The following GLB1L3 variants were observed in gnomAD, a reference collection of about 807,000 sequenced individuals.
The protein encoded by GLB1L3 is beta-galactosidase-1-like protein 3.
A neutral mutation model predicts 89.5 loss-of-function variants in GLB1L3; 89 were observed. The observed-to-expected ratio is 0.99, with a 90% CI of 0.84 to 1.19. The LOEUF is 1.19. Ranked by LOEUF, GLB1L3 falls within the 50% of genes most tolerant of loss-of-function variation. The probability of loss-of-function intolerance (pLI) is 0.00; values close to 1 mark genes in which losing one functional copy is unlikely to be tolerated. For missense variants in GLB1L3, 812 were observed against 813.3 expected (o/e 1.00, Z 0.02); for synonymous variants, 314 against 312.3 (o/e 1.01, Z -0.06).
chr11:134,277,514 T>C, intron 2 of GLB1L3, 63 bp downstream of exon 2: 16 of 1,591,612 alleles, frequency 1.0e-5, no homozygotes, highest in South Asian at 1.1e-5. Flanking sequence ...TTGGAGAAAA[T>C]AGTATCGCGA....
At chr11:134,321,908 T>TAAA (rs1011112057), downstream of GLB1L3, among the ~76,000 whole-genome samples, 2 of 132,190 alleles carry the variant, frequency 1.5e-5, no homozygotes, top group African/African-American at 5.0e-5. Flanking sequence ...CCCTAGAACT[T>TAAA]AAAGTATAAT....
At chr11:134,287,022 G>T (rs913657130) in intron 6 of GLB1L3, 1 of 151,454 alleles carries the variant, frequency 6.6e-6, no homozygotes, top group Non-Finnish European at 1.5e-5. Context: ...TGAGCCGGGC[G>T]TGGTGGCGGG....
intron 7 of GLB1L3, 40 bp from the exon 8 acceptor site, chr11:134,292,092 A>C: frequency 7.0e-7 from 1 of 1,432,820 alleles, no homozygotes; most frequent in Non-Finnish European, 9.8e-7. Flanking sequence ...TCCCATGGGA[A>C]TGAGGGAATT....
At chr11:134,277,175 C>T (rs550631873) in intron 1 of GLB1L3, 151 bp from the exon 2 acceptor site, 82 of 935,658 alleles carry the variant, frequency 8.8e-5, no homozygotes, top group South Asian at 5.7e-4. Flanking sequence ...CCGCGCTGTC[C>T]TGGCCCTGGG....
chr11:134,277,394 C>T lies in GLB1L3; in HGVS notation c.92C>T (p.Pro31Leu), dbSNP rs764964077. ...CCATTTATCTCATCAGGTTTTGCTC[C>T]TCGGTTTAAGCAGGAAGAGAACTTC... ...FLPFISSGFA[P>L]RFKQEENFML... Residue 31 changes from proline (P) to leucine (L), a missense_variant, in exon 2 of 20, where the codon CCT (proline) becomes CTT (leucine). Physicochemically the swap from Pro to Leu is moderately conservative, Grantham distance 98. Coordinates refer to ENST00000431683, the MANE Select transcript of GLB1L3 (RefSeq NM_001080407.3). 7 of 1,613,958 alleles carry T rather than the reference C, an allele frequency of 4.3e-6. No homozygotes were observed. The highest frequency in any genetic ancestry group is 2.2e-5 in the East Asian group (1 of 44,862).
In GLB1L3 at chr11:134,277,870, G is replaced by C; in HGVS notation, c.320G>C (p.Arg107Pro). The change falls in exon 3 of 20, where the codon CGC becomes CCC. Residue 107 changes from arginine to proline, a missense_variant. Coordinates refer to ENST00000431683, the MANE Select transcript of GLB1L3 (RefSeq NM_001080407.3). ...FRVPREYWRD[R>P]LLKLKACGFN... is the part of the protein sequence containing the mutation. Reference sequence around the variant, plus strand: ...GTGCCCAGGGAGTACTGGAGGGACCGCCTGCTGAAGCTGAAGGCCTGTGGC... The same window carrying C: ...GTGCCCAGGGAGTACTGGAGGGACCCCCTGCTGAAGCTGAAGGCCTGTGGC... 6.2e-7 allele frequency: 1 copy of C among 1,613,942 alleles called. No homozygotes were observed. The highest frequency in any genetic ancestry group is 1.7e-5 in the Admixed American group (1 of 59,974).
At chr11:134,297,588 C>T (rs1197822957) in intron 9 of GLB1L3, among the ~76,000 whole-genome samples, 1 of 151,892 alleles carries the variant, frequency 6.6e-6, no homozygotes, top group Non-Finnish European at 1.5e-5. Flanking sequence ...AGGCCGGGCG[C>T]GGTGGCTCAC....
chr11:134,290,610 GA>G lies in GLB1L3; in HGVS notation c.730-1513del, dbSNP rs71038573. Among the ~76,000 whole-genome samples, 106 of 140,512 alleles carry G rather than the reference GA, an allele frequency of 7.5e-4. 1 individual carries two copies. The East Asian group carries it at 0.015, about 19-fold the overall frequency. 92.2% of individuals were successfully genotyped at this position (140,512 alleles called of 152,430 possible). On this transcript the variant is annotated intron_variant, in intron 7 of 19. Transcript: ENST00000431683. ...AAAAGAAAAGAAAAAAAAAGAAAAA[GA>G]AAAAAAAACCATTCAACTCCACTCC... is the stretch of plus-strand genomic sequence containing the variant.
At chr11:134,287,797 C>T (rs1050558085) in intron 6 of GLB1L3, among the ~76,000 whole-genome samples, 5 of 152,196 alleles carry the variant, frequency 3.3e-5, no homozygotes, top group Non-Finnish European at 7.3e-5. Context: ...AGCCAGCACG[C>T]CTGGGCAGAG....
At chr11:134,287,882 G>T (rs1941110610) in intron 6 of GLB1L3, among the ~76,000 whole-genome samples, 1 of 152,180 alleles carries the variant, frequency 6.6e-6, no homozygotes. Flanking sequence ...CTTCCTTAGT[G>T]CCCTCAGAGC....
At chr11:134,323,530 G>A (rs1943191174), downstream of GLB1L3, among the ~76,000 whole-genome samples, 1 of 151,700 alleles carries the variant, frequency 6.6e-6, no homozygotes, top group Non-Finnish European at 1.5e-5. Context: ...AGCCGAGATG[G>A]CACCACTGCA....
chr11:134,314,100 A>G, intron 17 of GLB1L3, 72 bp downstream of exon 17: 3 of 1,048,278 alleles, frequency 2.9e-6, no homozygotes, highest in South Asian at 1.3e-5. Flanking sequence ...TCCTCATTGC[A>G]GATAAAGAGT....
intron 7 of GLB1L3, among the ~76,000 whole-genome samples, chr11:134,291,690 T>C (rs1012402739): frequency 1.2e-4 from 18 of 152,198 alleles, no homozygotes; most frequent in African/African-American, 4.1e-4. Context: ...GAAATATATT[T>C]TTGGCCAGGC....
At chr11:134,314,212 GTCTAC>G (rs1942881858) in intron 17 of GLB1L3, 113 bp from the exon 18 acceptor site, 5 of 753,116 alleles carry the variant, frequency 6.6e-6, no homozygotes, top group Admixed American at 4.8e-5. Flanking sequence ...AACGCATCTA[GTCTAC>G]TCTATCTCAT....
intron 9 of GLB1L3, among the ~76,000 whole-genome samples, chr11:134,302,162 C>T (rs781228429): frequency 6.6e-5 from 10 of 152,138 alleles, no homozygotes; most frequent in Non-Finnish European, 1.3e-4. Flanking sequence ...CCAGACTCAC[C>T]TGATACATTT....
intron 1 of GLB1L3, among the ~76,000 whole-genome samples, 153 bp downstream of exon 1, chr11:134,276,916 G>A (rs1274497680): frequency 6.6e-6 from 1 of 152,158 alleles, no homozygotes; most frequent in Non-Finnish European, 1.5e-5. Flanking sequence ...GCTTTCCTCG[G>A]CAGATCCCCT....
chr11:134,301,696 T>C (rs914110677), intron 9 of GLB1L3, among the ~76,000 whole-genome samples: 1 of 152,170 alleles, frequency 6.6e-6, no homozygotes, highest in African/African-American at 2.4e-5. Flanking sequence ...GGTGGGTAAT[T>C]AGCCTTCACA....
chr11:134,296,119 A>G (rs558939912), intron 9 of GLB1L3, among the ~76,000 whole-genome samples: 1 of 152,250 alleles, frequency 6.6e-6, no homozygotes, highest in African/African-American at 2.4e-5. Context: ...CATCAGAGAA[A>G]TGCAAATCAA....
In GLB1L3 at chr11:134,313,494, TCTC is replaced by T. The variant is rs764155913; in HGVS notation, c.1579+24_1579+26del. ...AGAAAGGTGGGCTCTGGCTGTGGCTTCTCCTCAGTTGCTCAGAACCGAAGACCC... is the reference window on the plus strand; with the variant it reads ...AGAAAGGTGGGCTCTGGCTGTGGCTTCTCAGTTGCTCAGAACCGAAGACCC... On this transcript the variant is annotated intron_variant, in intron 16 of 19. Transcript: ENST00000431683. 14 of 1,551,222 alleles carry T rather than the reference TCTC, an allele frequency of 9.0e-6. No individual in the cohort carries two copies. The Admixed American group carries it at 9.6e-5, about 11-fold the overall frequency.
Sources: allele counts gnomAD v4.1 joint callset (sites outside exome capture counted in the v4.1 genomes callset), GRCh38; gene constraint gnomAD v4.1.1; transcripts MANE v1.5; gene names NCBI Gene and HGNC (gene_info 2026-07-23, HGNC 2026-07-21).